PRELID2: variants seen among roughly 807,000 people sequenced by gnomAD.
PRELID2 encodes the protein PRELI domain-containing protein 2.
Under a neutral mutation model 28.4 loss-of-function variants are expected in PRELID2, and 25 were observed. The observed-to-expected ratio is 0.88, with a 90% CI of 0.64 to 1.23. The LOEUF is 1.23. Among genes scored for constraint, PRELID2 ranks in the 50% most tolerant of loss-of-function variants. The probability of loss-of-function intolerance (pLI) is 0.00; values close to 1 mark genes in which losing one functional copy is unlikely to be tolerated. For synonymous variants in PRELID2, 76 were observed against 71.6 expected, an observed-to-expected ratio of 1.06 and a Z score of -0.31; for missense variants, 201 against 214.4, an observed-to-expected ratio of 0.94 and a Z score of 0.39.
At position 145,540,345 on chromosome 5, in the gene PRELID2, C is replaced by G. The variant is rs374212794; in HGVS notation, n.71-67030G>C. On this transcript the variant is annotated intron_variant and non_coding_transcript_variant, in intron 1 of 2. Transcript: ENST00000510259. The stretch of plus-strand genomic sequence containing the variant: ...CCTTATAAACAATATCTAGAGCCAA[C>G]CATTTGATACAGAATTTCACTCCCA... Among the ~76,000 whole-genome samples the G allele has an allele frequency of 5.3e-4, 80 of 152,016 alleles. 1 individual carries two copies. The South Asian group carries it at 0.016, about 31-fold the overall frequency.
the PRELID2 span, among the ~76,000 whole-genome samples, chr5:145,407,448 C>T: frequency 6.6e-6 from 1 of 152,110 alleles, no homozygotes; most frequent in South Asian, 2.1e-4. Flanking sequence ...ACAGTGGCCA[C>T]AACAAGCCTC....
chr5:145,451,088 T>A, the PRELID2 span: 8 of 152,302 alleles, frequency 5.3e-5, no homozygotes, highest in Admixed American at 1.3e-4. Context: ...AATATACCTT[T>A]ACTGTAGAGC....
intron 1 of PRELID2, among the ~76,000 whole-genome samples, chr5:145,714,821 C>T (rs533312787): frequency 1.3e-5 from 2 of 152,088 alleles, no homozygotes; most frequent in Non-Finnish European, 2.9e-5. Flanking sequence ...TGCTTCTGTG[C>T]CATCCCTCTT....
intron 1 of PRELID2, among the ~76,000 whole-genome samples, chr5:145,735,781 AATGAG>A (rs1756478945): frequency 6.6e-6 from 1 of 152,204 alleles, no homozygotes; most frequent in Non-Finnish European, 1.5e-5. Context: ...TTGGGGATTA[AATGAG>A]ATAAGGCATG....
At chr5:145,385,404 G>A in the PRELID2 span, among the ~76,000 whole-genome samples, 2 of 152,266 alleles carry the variant, frequency 1.3e-5, no homozygotes, top group East Asian at 3.9e-4. Flanking sequence ...AGTACAAATA[G>A]TCTGCAGAAA....
chr5:145,814,431 T>C (rs1754160769), intron 4 of PRELID2, among the ~76,000 whole-genome samples: 1 of 152,116 alleles, frequency 6.6e-6, no homozygotes, highest in Admixed American at 6.5e-5. Context: ...ACTCTTATCA[T>C]GAGAGAGACT....
intron 1 of PRELID2, among the ~76,000 whole-genome samples, chr5:145,541,069 C>T (rs1304420398): frequency 6.6e-6 from 1 of 151,880 alleles, no homozygotes; most frequent in Non-Finnish European, 1.5e-5. Context: ...ATTTCTGAAG[C>T]AGGGTGGTAG....
the PRELID2 span, among the ~76,000 whole-genome samples, chr5:145,291,765 A>T: frequency 6.6e-6 from 1 of 152,168 alleles, no homozygotes; most frequent in Non-Finnish European, 1.5e-5. Context: ...TTTATTTTAC[A>T]CTTAGATCTA....
At chr5:145,358,427 C>T in the PRELID2 span, among the ~76,000 whole-genome samples, 1 of 152,014 alleles carries the variant, frequency 6.6e-6, no homozygotes, top group African/African-American at 2.4e-5. Flanking sequence ...GGGTCACCCG[C>T]CCTTCCATCC....
chr5:145,492,108 G>A (rs981852163), intron 1 of PRELID2, among the ~76,000 whole-genome samples: 7 of 152,072 alleles, frequency 4.6e-5, no homozygotes, highest in South Asian at 2.1e-4. Context: ...TTGAGAAACC[G>A]CCATACTATT....
rs1038724624 is a variant in PRELID2, at chr5:145,791,102, C to T, written c.474+5340G>A. Reference sequence around the variant, plus strand: ...AAAGGAAAGAGTTTTAATTGACTCACAGTTCCACATGGCTAGGGAGGCCTC... The same window carrying T: ...AAAGGAAAGAGTTTTAATTGACTCATAGTTCCACATGGCTAGGGAGGCCTC... On this transcript the variant is annotated intron_variant, in intron 5 of 6. Transcript: ENST00000683046. 3.9e-5 allele frequency among the ~76,000 whole-genome samples: 6 copies of T among 152,176 alleles called. No homozygotes were observed. The South Asian group carries it at 6.2e-4, about 16-fold the overall frequency.
chr5:145,578,670 T>C (rs899894024), intron 1 of PRELID2, among the ~76,000 whole-genome samples: 4 of 152,068 alleles, frequency 2.6e-5, no homozygotes, highest in African/African-American at 9.7e-5. Flanking sequence ...ATTGCTGACG[T>C]TCTAATGCTT....
intron 1 of PRELID2, among the ~76,000 whole-genome samples, chr5:145,635,746 A>G (rs559966195): frequency 2.6e-5 from 4 of 152,324 alleles, no homozygotes; most frequent in Non-Finnish European, 5.9e-5. Flanking sequence ...TTTGAAATAA[A>G]TCAGACCTAC....
chr5:145,336,452 A>G, the PRELID2 span, among the ~76,000 whole-genome samples: 1 of 151,652 alleles, frequency 6.6e-6, no homozygotes, highest in African/African-American at 2.4e-5. Context: ...ATTTTTGTAT[A>G]AGGTGTAAGG....
chr5:145,665,005 A>C (rs929140090), intron 1 of PRELID2, among the ~76,000 whole-genome samples: 2 of 152,100 alleles, frequency 1.3e-5, no homozygotes, highest in Non-Finnish European at 2.9e-5. Flanking sequence ...CATGGAGTCC[A>C]TCAACTTTGT....
intron 1 of PRELID2, among the ~76,000 whole-genome samples, chr5:145,561,782 T>C (rs537835254): frequency 6.6e-6 from 1 of 152,320 alleles, no homozygotes; most frequent in South Asian, 2.1e-4. Flanking sequence ...TCAATACATT[T>C]GCATGAATGC....
the PRELID2 span, among the ~76,000 whole-genome samples, chr5:145,314,986 A>G: frequency 2.7e-5 from 4 of 150,394 alleles, no homozygotes; most frequent in Admixed American, 2.6e-4. Context: ...TTGTTTTTTG[A>G]TCTTAAAAGG....
the PRELID2 span, among the ~76,000 whole-genome samples, chr5:145,433,395 A>G: frequency 1.3e-5 from 2 of 152,004 alleles, no homozygotes; most frequent in Non-Finnish European, 2.9e-5. Context: ...GGGGCCTTGT[A>G]GATTGTATTT....
chr5:145,759,408 C>T lies in PRELID2; in HGVS notation c.*1128G>A, dbSNP rs1438734964. 2 of 152,172 alleles carry T rather than the reference C, an allele frequency of 1.3e-5. No individual in the cohort carries two copies. Among genetic ancestry groups the T allele is most frequent in the African/African-American group, 4.8e-5 (2 of 41,444 alleles). The allele number at this position is 152,172 out of a possible 1,614,324, so 9.4% of individuals were successfully genotyped here. The stretch of plus-strand genomic sequence containing the variant: ...TTCTGATCACGAGAAATGCAAACTA[C>T]TGCCATCTAAGTTTCAAACAGTAGT... On this transcript the variant is annotated 3_prime_UTR_variant, in exon 7 of 7. Coordinates refer to ENST00000683046, the MANE Select transcript of PRELID2 (RefSeq NM_205846.3).
Sources: allele counts gnomAD v4.1 joint callset (sites outside exome capture counted in the v4.1 genomes callset), GRCh38; gene constraint gnomAD v4.1.1; transcripts MANE v1.5; gene names NCBI Gene and HGNC (gene_info 2026-07-23, HGNC 2026-07-21).